Variants in PTPRM observed in about 807,000 individuals in gnomAD.
PTPRM encodes the protein receptor-type tyrosine-protein phosphatase mu.
PTPRM carries 47 observed loss-of-function variants against 186.7 expected under a neutral mutation model. The ratio of observed to expected loss-of-function variants is 0.25; its 90% confidence interval spans 0.20 to 0.32. The LOEUF (loss-of-function observed/expected upper bound fraction) is 0.32, where lower values mean the gene tolerates loss of function less well. PTPRM is among the 10% of genes least tolerant of loss of function. The probability of loss-of-function intolerance (pLI) is 1.00; values close to 1 mark genes in which losing one functional copy is unlikely to be tolerated. For synonymous variants in PTPRM, 668 were observed against 674.9 expected (o/e 0.99, Z 0.16); for missense variants, 1,494 against 1,865.0 (o/e 0.80, Z 3.66).
intron 2 of PTPRM, among the ~76,000 whole-genome samples, chr18:7,836,384 G>A (rs2889679): frequency 1 from 152,054 of 152,318 alleles, 75,898 homozygotes; most frequent in Middle Eastern, 1. Flanking sequence ...ATAATGCTCT[G>A]TGCCTCTTTA....
At chr18:7,766,181 A>C (rs1187402657) in intron 1 of PTPRM, among the ~76,000 whole-genome samples, 1 of 152,180 alleles carries the variant, frequency 6.6e-6, no homozygotes, top group African/African-American at 2.4e-5. Context: ...TCCTGCACTG[A>C]AGCTCCTGTG....
intron 2 of PTPRM, among the ~76,000 whole-genome samples, chr18:7,821,493 C>T (rs965894348): frequency 1.1e-4 from 16 of 152,074 alleles, no homozygotes; most frequent in African/African-American, 2.9e-4. Context: ...ACAAGAGATA[C>T]GTTCCAAGTC....
intron 31 of PTPRM, among the ~76,000 whole-genome samples, chr18:8,387,495 T>C (rs1240506107): frequency 1.4e-5 from 1 of 69,824 alleles, no homozygotes; most frequent in African/African-American, 7.5e-5. Flanking sequence ...CGCCGCCCAC[T>C]GCCAAGAGGA....
At chr18:7,696,263 A>C (rs920249196) in intron 1 of PTPRM, among the ~76,000 whole-genome samples, 3 of 152,162 alleles carry the variant, frequency 2.0e-5, no homozygotes, top group African/African-American at 7.2e-5. Flanking sequence ...ATCATAGGAA[A>C]TCTTTTTGCA....
chr18:7,857,603 C>G (rs1175659506), intron 2 of PTPRM, among the ~76,000 whole-genome samples: 4 of 152,138 alleles, frequency 2.6e-5, no homozygotes, highest in Non-Finnish European at 5.9e-5. Context: ...TCTGTCTTCT[C>G]CATTTGCCCT....
At chr18:8,235,224 G>A (rs1198012189) in intron 14 of PTPRM, among the ~76,000 whole-genome samples, 2 of 152,070 alleles carry the variant, frequency 1.3e-5, no homozygotes, top group Admixed American at 6.6e-5. Context: ...GTTTTGAAAG[G>A]TTATTAATTA....
chr18:7,873,200 C>T (rs1473492326), intron 2 of PTPRM, among the ~76,000 whole-genome samples: 2 of 152,142 alleles, frequency 1.3e-5, no homozygotes, highest in African/African-American at 2.4e-5. Context: ...GAGAATAGCT[C>T]ATGTAATTTG....
intron 1 of PTPRM, among the ~76,000 whole-genome samples, chr18:7,768,024 A>G (rs1174644360): frequency 6.6e-6 from 1 of 152,224 alleles, no homozygotes; most frequent in Non-Finnish European, 1.5e-5. Context: ...CCTTTTAAAA[A>G]GGCTTTATTG....
intron 7 of PTPRM, among the ~76,000 whole-genome samples, chr18:8,002,631 G>A (rs749271289): frequency 3.9e-5 from 6 of 152,196 alleles, no homozygotes; most frequent in Non-Finnish European, 7.3e-5. Context: ...TCAGCATCCT[G>A]GAGAATGCAG....
chr18:7,652,171 A>G (rs2038725304), intron 1 of PTPRM, among the ~76,000 whole-genome samples: 1 of 152,270 alleles, frequency 6.6e-6, no homozygotes, highest in Non-Finnish European at 1.5e-5. Context: ...ATCACTGGCC[A>G]TCAGAGAAAT....
At chr18:8,091,545 A>G (rs973017382) in intron 11 of PTPRM, among the ~76,000 whole-genome samples, 90 of 152,182 alleles carry the variant, frequency 5.9e-4, no homozygotes, top group Admixed American at 5.9e-3. Flanking sequence ...TGTTGGCACA[A>G]ATTTGAGAGA....
At chr18:8,135,123 G>A (rs1049888319) in intron 13 of PTPRM, among the ~76,000 whole-genome samples, 2 of 152,192 alleles carry the variant, frequency 1.3e-5, no homozygotes, top group African/African-American at 4.8e-5. Context: ...CACCCAGGCA[G>A]TTGATCAATA....
chr18:7,852,731 T>C (rs894844424), intron 2 of PTPRM, among the ~76,000 whole-genome samples: 1 of 151,932 alleles, frequency 6.6e-6, no homozygotes. Context: ...TGGCATGCAC[T>C]TGTATTTTCA....
intron 7 of PTPRM, among the ~76,000 whole-genome samples, chr18:8,017,243 G>A (rs1190368201): frequency 6.6e-6 from 1 of 151,934 alleles, no homozygotes; most frequent in East Asian, 1.9e-4. Flanking sequence ...TACTTGTATA[G>A]TATAAAAATA....
chr18:8,372,425 C>T (rs1384882657), intron 24 of PTPRM, among the ~76,000 whole-genome samples: 1 of 152,142 alleles, frequency 6.6e-6, no homozygotes, highest in Non-Finnish European at 1.5e-5. Flanking sequence ...TGAACAAGAC[C>T]AGTTTTAGGA....
chr18:8,145,214 G>T (rs1030512230), intron 14 of PTPRM, among the ~76,000 whole-genome samples: 3 of 152,178 alleles, frequency 2.0e-5, no homozygotes, highest in Non-Finnish European at 2.9e-5. Context: ...AATAGTTCCT[G>T]GTTTGGGCAA....
intron 20 of PTPRM, among the ~76,000 whole-genome samples, chr18:8,298,520 A>G (rs1045462151): frequency 6.6e-6 from 1 of 152,222 alleles, no homozygotes. Flanking sequence ...CCCAATGTAT[A>G]GTTTAGTACC....
intron 3 of PTPRM, among the ~76,000 whole-genome samples, chr18:7,897,407 G>A (rs1486431496): frequency 6.6e-6 from 1 of 152,216 alleles, no homozygotes; most frequent in Non-Finnish European, 1.5e-5. Context: ...TCTAGAGGAT[G>A]TGGGGAATTT....
intron 7 of PTPRM, among the ~76,000 whole-genome samples, chr18:7,988,774 T>C (rs2083103775): frequency 2.0e-5 from 3 of 152,182 alleles, no homozygotes; most frequent in African/African-American, 7.2e-5. Context: ...CATATTCCAT[T>C]GGATGGATAT....
Sources: gnomAD v4.1 joint callset for allele counts (sites outside exome capture counted in the v4.1 genomes callset) on GRCh38, gnomAD v4.1.1 for gene constraint, MANE v1.5 for transcripts, NCBI Gene and HGNC (gene_info 2026-07-23, HGNC 2026-07-21) for gene names.